TMEM217B: variants seen among roughly 807,000 people sequenced by gnomAD.
The protein encoded by TMEM217B is putative transmembrane protein 217B.
At chr6:37,226,590 C>A in the TMEM217B span, among the ~76,000 whole-genome samples, 1 of 150,946 alleles carries the variant, frequency 6.6e-6, no homozygotes, top group Non-Finnish European at 1.5e-5. Flanking sequence ...AGCCACTGCG[C>A]CCGGCCGAGA....
the TMEM217B span, chr6:37,218,184 T>G: frequency 4.2e-6 from 5 of 1,186,202 alleles, no homozygotes; most frequent in South Asian, 3.1e-5. Flanking sequence ...TTTTTTTTTT[T>G]TGGGGGACAG....
chr6:37,251,298 C>T, the TMEM217B span, among the ~76,000 whole-genome samples: 1 of 145,986 alleles, frequency 6.8e-6, no homozygotes, highest in Non-Finnish European at 1.5e-5. Context: ...TTACAAACTG[C>T]AAAAGGACTG....
At chr6:37,257,850 C>A in the TMEM217B span, 1 of 1,553,750 alleles carries the variant, frequency 6.4e-7, no homozygotes, top group South Asian at 1.2e-5. Context: ...CCTCAGATTG[C>A]GGGGTCTGGG....
the TMEM217B span, among the ~76,000 whole-genome samples, chr6:37,241,318 A>G: frequency 6.6e-6 from 1 of 152,006 alleles, no homozygotes; most frequent in Admixed American, 6.6e-5. Flanking sequence ...GTCAAAGAAA[A>G]AAAAGGTGGC....
At chr6:37,249,322 T>G in the TMEM217B span, among the ~76,000 whole-genome samples, 9 of 152,122 alleles carry the variant, frequency 5.9e-5, no homozygotes, top group African/African-American at 2.2e-4. Context: ...TTCTTCTTCT[T>G]CTTTTTTTGA....
chr6:37,213,684 A>G, the TMEM217B span, among the ~76,000 whole-genome samples: 1 of 152,266 alleles, frequency 6.6e-6, no homozygotes, highest in South Asian at 2.1e-4. Flanking sequence ...AGGTCAACTC[A>G]TGGCAGGGAG....
the TMEM217B span, among the ~76,000 whole-genome samples, chr6:37,224,461 G>A: frequency 6.6e-6 from 1 of 151,554 alleles, no homozygotes; most frequent in African/African-American, 2.4e-5. Context: ...AGCCGGGCGT[G>A]GTGGCGGGCA....
chr6:37,227,792 C>G, the TMEM217B span, among the ~76,000 whole-genome samples: 1 of 151,710 alleles, frequency 6.6e-6, no homozygotes, highest in African/African-American at 2.4e-5. Context: ...ATTACATCAT[C>G]TCATCTGACT....
chr6:37,224,308 A>AT, the TMEM217B span, among the ~76,000 whole-genome samples: 1 of 149,246 alleles, frequency 6.7e-6, no homozygotes, highest in Non-Finnish European at 1.5e-5. Flanking sequence ...TAAAAAAGAA[A>AT]TTTTTTTTAG....
the TMEM217B span, among the ~76,000 whole-genome samples, chr6:37,254,262 G>A: frequency 6.6e-6 from 1 of 152,140 alleles, no homozygotes; most frequent in African/African-American, 2.4e-5. Flanking sequence ...GGAAGCACTG[G>A]TCTAGTGGAC....
At chr6:37,219,051 C>A in the TMEM217B span, 109 of 1,602,516 alleles carry the variant, frequency 6.8e-5, no homozygotes, top group Non-Finnish European at 8.9e-5. Flanking sequence ...CCTGTGAAGA[C>A]AAACAACATG....
chr6:37,252,609 ATGTGTG>A, the TMEM217B span, among the ~76,000 whole-genome samples: 6 of 36,348 alleles, frequency 1.7e-4, no homozygotes, highest in Non-Finnish European at 1.5e-4. Context: ...GTGTGTGTGT[ATGTGTG>A]TGTATATATA....
the TMEM217B span, among the ~76,000 whole-genome samples, chr6:37,235,878 C>G: frequency 6.6e-6 from 1 of 152,162 alleles, no homozygotes; most frequent in Non-Finnish European, 1.5e-5. Context: ...ATGACTTAAT[C>G]CCTTCCCCAA....
the TMEM217B span, among the ~76,000 whole-genome samples, chr6:37,241,408 G>A: frequency 9.2e-5 from 14 of 152,196 alleles, no homozygotes; most frequent in Non-Finnish European, 2.1e-4. Flanking sequence ...CCTCAAAAGC[G>A]ACATCTCAGC....
the TMEM217B span, among the ~76,000 whole-genome samples, chr6:37,231,671 CAAA>C: frequency 1.7e-5 from 1 of 60,398 alleles, no homozygotes; most frequent in African/African-American, 6.2e-5. Flanking sequence ...GACTCCATCT[CAAA>C]AAAAAAAAAA....
chr6:37,212,290 C>T, the TMEM217B span: 1 of 351,208 alleles, frequency 2.8e-6, no homozygotes, highest in Non-Finnish European at 5.6e-6. Context: ...AGAATCATTC[C>T]TCAGTGCGTA....
At chr6:37,222,919 T>C in the TMEM217B span, among the ~76,000 whole-genome samples, 5,768 of 152,244 alleles carry the variant, frequency 0.038, 307 homozygotes, top group African/African-American at 0.11. Flanking sequence ...CCACTGCCAT[T>C]ACTAGCTGAT....
At chr6:37,227,189 C>T in the TMEM217B span, among the ~76,000 whole-genome samples, 1 of 152,202 alleles carries the variant, frequency 6.6e-6, no homozygotes, top group Non-Finnish European at 1.5e-5. Flanking sequence ...CTCCATCCAT[C>T]CCCTAGTTTC....
the TMEM217B span, among the ~76,000 whole-genome samples, chr6:37,253,430 C>A: frequency 6.6e-6 from 1 of 152,126 alleles, no homozygotes; most frequent in African/African-American, 2.4e-5. Flanking sequence ...TAAAAACTTT[C>A]TCTTCCTCTC....
Sources: allele counts gnomAD v4.1 joint callset (sites outside exome capture counted in the v4.1 genomes callset), GRCh38; gene constraint gnomAD v4.1.1; transcripts MANE v1.5; gene names NCBI Gene and HGNC (gene_info 2026-07-23, HGNC 2026-07-21).